Variants in CD99L2 observed in about 807,000 individuals in gnomAD.
CD99L2 encodes the protein CD99 molecule like 2.
Under a neutral mutation model 27.3 loss-of-function variants are expected in CD99L2, and 24 were observed. That is an observed-to-expected ratio of 0.88 (90% CI 0.64 to 1.24). The LOEUF (loss-of-function observed/expected upper bound fraction) is 1.24. Among genes scored for constraint, CD99L2 ranks in the 50% most tolerant of loss-of-function variants. CD99L2 has a pLI of 0.00. For missense variants in CD99L2, 255 were observed against 221.6 expected, an observed-to-expected ratio of 1.15 and a Z score of -0.96; for synonymous variants, 97 against 87.9, an observed-to-expected ratio of 1.10 and a Z score of -0.58.
chrX:150,795,145 T>A, intron 6 of CD99L2, 61 bp downstream of exon 6: 2 of 1,162,014 alleles, frequency 1.7e-6, no homozygotes, highest in Non-Finnish European at 2.3e-6. Context: ...AGGCCCAAGC[T>A]GGCTCTGGCT....
intron 2 of CD99L2, among the ~76,000 whole-genome samples, chrX:150,824,443 GAAAGAAGAAGAAGA>G (rs1288451287): frequency 2.4e-4 from 19 of 79,864 alleles, no homozygotes; most frequent in African/African-American, 8.4e-4. Flanking sequence ...GAAGAAAGAA[GAAAGAAGAAGAAGA>G]AAGAAGAAAG....
At chrX:150,850,801 G>A (rs1380772924) in intron 1 of CD99L2, among the ~76,000 whole-genome samples, 2 of 111,377 alleles carry the variant, frequency 1.8e-5, no homozygotes, top group East Asian at 5.6e-4. Flanking sequence ...ATCCAGGACT[G>A]AAGAAACTCT....
intron 1 of CD99L2, among the ~76,000 whole-genome samples, chrX:150,832,817 A>G (rs2046463252): frequency 9.0e-6 from 1 of 111,567 alleles, no homozygotes; most frequent in African/African-American, 3.3e-5. Flanking sequence ...TGGGAGGCCG[A>G]GGCGGGCAGA....
intron 1 of CD99L2, among the ~76,000 whole-genome samples, chrX:150,880,973 T>C (rs2047315882): frequency 9.0e-6 from 1 of 111,550 alleles, no homozygotes; most frequent in South Asian, 3.7e-4. Flanking sequence ...TCAATGTACT[T>C]CAATGCTTGA....
intron 1 of CD99L2, among the ~76,000 whole-genome samples, chrX:150,877,167 T>A (rs2047242835): frequency 9.5e-6 from 1 of 104,933 alleles, no homozygotes; most frequent in African/African-American, 3.5e-5. Flanking sequence ...GTCATAAATA[T>A]ACAGAAAAAC....
rs181957694 is a variant in CD99L2 at position 150,771,155 on chromosome X, G to A, written c.656-786C>T. 2.0e-3 allele frequency among the ~76,000 whole-genome samples: 226 copies of A among 112,074 alleles called. 4 individuals carry two copies. Among genetic ancestry groups the A allele is most frequent in the African/African-American group, 6.7e-3 (206 of 30,852 alleles). On this transcript the variant is annotated intron_variant, in intron 9 of 10. Coordinates refer to ENST00000370377, the MANE Select transcript of CD99L2 (RefSeq NM_031462.4). Reference sequence around the variant, plus strand: ...ACTGGAACCCTTCAGCCCCGGGTCTGTGGGAAAACTGGGGCATGGTTCCAA... The same window carrying A: ...ACTGGAACCCTTCAGCCCCGGGTCTATGGGAAAACTGGGGCATGGTTCCAA...
chrX:150,807,144 C>T lies in CD99L2; in HGVS notation c.277+7718G>A, dbSNP rs1424119139. Among the ~76,000 whole-genome samples the T allele has an allele frequency of 3.2e-4, 35 of 110,897 alleles. 1 individual carries two copies. The highest frequency in any genetic ancestry group is 1.9e-5 in the Non-Finnish European group (1 of 53,031). The stretch of plus-strand genomic sequence containing the variant: ...TGAAGTTACAACTTTTCTGTTATTG[C>T]ACTGTGCTTACCTCTTAAAGAGAAG... On this transcript the variant is annotated intron_variant, in intron 4 of 10. Transcript: ENST00000370377.
chrX:150,877,959 T>TACACACATACACACACAC (rs2047257053), intron 1 of CD99L2, among the ~76,000 whole-genome samples: 2 of 83,077 alleles, frequency 2.4e-5, no homozygotes, highest in African/African-American at 9.4e-5. Context: ...CTCAAACACA[T>TACACACATACACACACAC]ACACACACAC....
chrX:150,850,796 G>A (rs781966440), intron 1 of CD99L2, among the ~76,000 whole-genome samples: 20 of 111,355 alleles, frequency 1.8e-4, no homozygotes, highest in African/African-American at 6.5e-4. Flanking sequence ...AGCCAATCCA[G>A]GACTGAAGAA....
At chrX:150,795,514 G>C in intron 4 of CD99L2, 28 bp from the exon 5 acceptor site, 1 of 1,195,281 alleles carries the variant, frequency 8.4e-7, no homozygotes, top group Non-Finnish European at 1.1e-6. Context: ...GACAGCAAAG[G>C]GAGCACATTT....
At chrX:150,838,918 TGGGG>T (rs1211157850) in intron 1 of CD99L2, among the ~76,000 whole-genome samples, 1 of 31,938 alleles carries the variant, frequency 3.1e-5, no homozygotes, top group Non-Finnish European at 5.7e-5. Flanking sequence ...AAAAAAAAAA[TGGGG>T]GGGGGGGTGT....
chrX:150,813,138 T>C (rs782394577), intron 4 of CD99L2, among the ~76,000 whole-genome samples: 12 of 111,510 alleles, frequency 1.1e-4, no homozygotes, highest in Admixed American at 1.0e-3. Flanking sequence ...ATGGGATACT[T>C]ATGGTGACGG....
chrX:150,855,893 A>G (rs782493460), intron 1 of CD99L2, among the ~76,000 whole-genome samples: 7 of 112,012 alleles, frequency 6.2e-5, no homozygotes, highest in African/African-American at 2.3e-4. Context: ...GGGAGAATGC[A>G]TCTTTGTTGT....
chrX:150,790,718 TA>T (rs2078262612), intron 7 of CD99L2, among the ~76,000 whole-genome samples: 1 of 111,666 alleles, frequency 9.0e-6, no homozygotes, highest in African/African-American at 3.3e-5. Flanking sequence ...AAGTTATAGG[TA>T]AGTGAGAAAG....
At chrX:150,890,612 A>G (rs191917346) in intron 1 of CD99L2, among the ~76,000 whole-genome samples, 291 of 111,067 alleles carry the variant, frequency 2.6e-3, no homozygotes, top group African/African-American at 8.5e-3. Flanking sequence ...CTCTCCCCAC[A>G]CCCCCGCCCC....
intron 2 of CD99L2, among the ~76,000 whole-genome samples, chrX:150,826,281 G>A (rs2046366124): frequency 9.0e-6 from 1 of 111,701 alleles, no homozygotes; most frequent in Admixed American, 9.5e-5. Context: ...TGTTATGGCA[G>A]CACAAATGGA....
At chrX:150,868,210 T>C in intron 1 of CD99L2, among the ~76,000 whole-genome samples, 1 of 111,634 alleles carries the variant, frequency 9.0e-6, no homozygotes, top group Non-Finnish European at 1.9e-5. Flanking sequence ...TAACATTCAA[T>C]ATCCTCCTTC....
chrX:150,879,757 A>T (rs1199678994), intron 1 of CD99L2, among the ~76,000 whole-genome samples: 2 of 94,988 alleles, frequency 2.1e-5, no homozygotes, highest in African/African-American at 7.7e-5. Flanking sequence ...AACTAAAAAA[A>T]AAAAAAAAAA....
chrX:150,805,334 G>A (rs1189234686), intron 4 of CD99L2, among the ~76,000 whole-genome samples: 1 of 111,487 alleles, frequency 9.0e-6, no homozygotes, highest in African/African-American at 3.3e-5. Flanking sequence ...GTGGGGAGTA[G>A]GGAGATGCTA....
Sources: gnomAD v4.1 joint callset for allele counts (sites outside exome capture counted in the v4.1 genomes callset) on GRCh38, gnomAD v4.1.1 for gene constraint, MANE v1.5 for transcripts, NCBI Gene and HGNC (gene_info 2026-07-23, HGNC 2026-07-21) for gene names.